Variants in GRIN2B observed in about 807,000 individuals in gnomAD.
The protein encoded by GRIN2B is glutamate receptor ionotropic, NMDA 2B.
Under a neutral mutation model 114.5 loss-of-function variants are expected in GRIN2B, and 5 were observed. The observed-to-expected ratio is 0.04, with a 90% CI of 0.02 to 0.09. The LOEUF is 0.09. GRIN2B is among the 10% of genes least tolerant of loss of function. The pLI, the probability that GRIN2B is intolerant of heterozygous loss-of-function variation, is 1.00. For missense variants in GRIN2B, 1,108 were observed against 1,943.5 expected, an observed-to-expected ratio of 0.57 and a Z score of 8.08; for synonymous variants, 787 against 745.1, an observed-to-expected ratio of 1.06 and a Z score of -0.92.
At chr12:13,687,485 A>C (rs2300243) in intron 4 of GRIN2B, among the ~76,000 whole-genome samples, 84,120 of 151,890 alleles carry the variant, frequency 0.55, 23,788 homozygotes, top group Non-Finnish European at 0.6. Context: ...CACAGCCATA[A>C]CATCAACAAT....
At chr12:13,835,669 C>T (rs1421700303) in intron 3 of GRIN2B, among the ~76,000 whole-genome samples, 2 of 151,000 alleles carry the variant, frequency 1.3e-5, no homozygotes, top group African/African-American at 4.9e-5. Flanking sequence ...TCAGACCTCT[C>T]CAGTTCTGGG....
chr12:13,563,243 T>C lies in GRIN2B; in HGVS notation c.3995A>G (p.Asp1332Gly). The C allele has an allele frequency of 6.2e-7, 1 of 1,614,190 alleles. No individual in the cohort carries two copies. Among genetic ancestry groups the C allele is most frequent in the Non-Finnish European group, 8.5e-7 (1 of 1,180,026 alleles). ...VSLKDKGRFM[D>G]GSPYAHMFEM... ...AAACATGTGGGCGTAGGGGCTCCCA[T>C]CCATGAATCGGCCCTTGTCTTTCAG... The change falls in exon 14 of 14, where the codon GAT (aspartate) becomes GGT (glycine). Residue 1332 changes from aspartate to glycine, a missense_variant. Coordinates refer to ENST00000609686, the MANE Select transcript of GRIN2B (RefSeq NM_000834.5).
chr12:13,971,611 C>T (rs1217494093), intron 2 of GRIN2B, among the ~76,000 whole-genome samples: 2 of 152,154 alleles, frequency 1.3e-5, no homozygotes. Flanking sequence ...ACCAATCAAT[C>T]AAGGTCTGCT....
intron 3 of GRIN2B, among the ~76,000 whole-genome samples, chr12:13,828,324 T>C (rs1591754962): frequency 1.3e-5 from 2 of 152,250 alleles, no homozygotes; most frequent in Admixed American, 6.5e-5. Context: ...AGAACTAGAA[T>C]GGCCTCTGGC....
chr12:13,810,541 A>C (rs923774018), intron 3 of GRIN2B, among the ~76,000 whole-genome samples: 1 of 152,104 alleles, frequency 6.6e-6, no homozygotes, highest in Non-Finnish European at 1.5e-5. Context: ...GTCATTCTAA[A>C]GGGCTTTATT....
intron 2 of GRIN2B, among the ~76,000 whole-genome samples, chr12:13,951,403 T>TGAATAA: frequency 6.6e-6 from 1 of 152,266 alleles, no homozygotes; most frequent in Middle Eastern, 3.4e-3. Context: ...CCCTGCAGCC[T>TGAATAA]GAATAAGAAA....
At chr12:13,945,931 A>G (rs1469934391) in intron 2 of GRIN2B, among the ~76,000 whole-genome samples, 1 of 152,196 alleles carries the variant, frequency 6.6e-6, no homozygotes, top group Non-Finnish European at 1.5e-5. Context: ...TTATAACAAC[A>G]GTGCATATTA....
intron 4 of GRIN2B, among the ~76,000 whole-genome samples, chr12:13,717,064 CGCGTGT>C (rs1450726740): frequency 1.6e-5 from 1 of 61,892 alleles, no homozygotes; most frequent in African/African-American, 7.1e-5. Context: ...TCATGCCATA[CGCGTGT>C]GTGTGTGTGT....
chr12:13,892,026 C>A (rs1866270693), intron 2 of GRIN2B, among the ~76,000 whole-genome samples: 1 of 152,218 alleles, frequency 6.6e-6, no homozygotes, highest in Non-Finnish European at 1.5e-5. Context: ...TGCTCCATCA[C>A]TCAGCCTGGG....
chr12:13,949,435 A>G (rs1867434440), intron 2 of GRIN2B, among the ~76,000 whole-genome samples: 1 of 152,068 alleles, frequency 6.6e-6, no homozygotes, highest in African/African-American at 2.4e-5. Flanking sequence ...ACAGGTTTCC[A>G]GGACCCTTAA....
In GRIN2B at chr12:13,569,876, C is replaced by T. The variant is rs150554184; in HGVS notation, c.2313G>A (p.Gly771=). 5.0e-6 allele frequency: 8 copies of T among 1,612,244 alleles called. No individual in the cohort carries two copies. The African/African-American group carries it at 5.3e-5, about 11-fold the overall frequency. Residue 771 remains glycine (G), a synonymous_variant, in exon 12 of 14, where the codon GGG becomes GGA. Coordinates refer to ENST00000609686, the MANE Select transcript of GRIN2B (RefSeq NM_000834.5). ...TAGCAAGGTCCACCTGGCGCTTCCA[C>T]CCAGAATCTTTTTGGATGGCAATGC... ...GYGIAIQKDS[G]WKRQVDLAIL... is the part of the protein sequence containing the mutation.
chr12:13,972,688 T>G (rs769804443), intron 2 of GRIN2B, among the ~76,000 whole-genome samples: 1 of 152,214 alleles, frequency 6.6e-6, no homozygotes, highest in Non-Finnish European at 1.5e-5. Context: ...TTAGGCCACA[T>G]GGCCAACCTT....
At chr12:13,793,184 A>G (rs1864350410) in intron 3 of GRIN2B, among the ~76,000 whole-genome samples, 1 of 152,192 alleles carries the variant, frequency 6.6e-6, no homozygotes, top group Non-Finnish European at 1.5e-5. Flanking sequence ...AGGCGAGCAG[A>G]TGGCATGAGG....
chr12:13,675,931 T>C (rs1950070300), intron 4 of GRIN2B, 72 bp from the exon 5 acceptor site: 2 of 853,908 alleles, frequency 2.3e-6, no homozygotes, highest in East Asian at 2.4e-5. Context: ...GTCAGGTATA[T>C]AGAGAGAAAG....
chr12:13,698,000 C>A (rs1317862130), intron 4 of GRIN2B, among the ~76,000 whole-genome samples: 1 of 152,224 alleles, frequency 6.6e-6, no homozygotes, highest in Non-Finnish European at 1.5e-5. Context: ...CATTGGGTAG[C>A]ATTTCTTAAA....
rs115462808 is a variant in GRIN2B, at chr12:13,702,735, C to G, written c.1011-26876G>C. ...AGTTAAAGAGTGGCTTTCCAGGGCT[C>G]TCATGCAAACAGGAGACCCCAGGCC... On this transcript the variant is annotated intron_variant, in intron 4 of 13. Transcript: ENST00000609686. Among the ~76,000 whole-genome samples, 1,331 of 152,220 alleles carry G rather than the reference C, an allele frequency of 8.7e-3. 29 individuals are homozygous for G. Among genetic ancestry groups the G allele is most frequent in the African/African-American group, 0.031 (1,280 of 41,512 alleles).
chr12:13,778,255 C>G (rs950293007), intron 3 of GRIN2B, among the ~76,000 whole-genome samples: 15 of 152,168 alleles, frequency 9.9e-5, no homozygotes, highest in African/African-American at 3.4e-4. Flanking sequence ...TCTGAATCCC[C>G]TCAAACTCTC....
At position 13,749,938 on chromosome 12, in the gene GRIN2B, T is replaced by C. The variant is rs994630078; in HGVS notation, c.1010+3379A>G. ...TGGAGAGGAAGGAAAAGAAAGACAA[T>C]GGAGATAAGGGAAGAATGGAGGTGT... On this transcript the variant is annotated intron_variant, in intron 4 of 13. Coordinates refer to ENST00000609686, the MANE Select transcript of GRIN2B (RefSeq NM_000834.5). 4.6e-5 allele frequency among the ~76,000 whole-genome samples: 7 copies of C among 151,782 alleles called. 1 individual carries two copies. Among genetic ancestry groups the C allele is most frequent in the Non-Finnish European group, 8.8e-5 (6 of 67,964 alleles).
At chr12:13,670,777 T>C (rs1375415189) in intron 5 of GRIN2B, among the ~76,000 whole-genome samples, 1 of 152,158 alleles carries the variant, frequency 6.6e-6, no homozygotes, top group Non-Finnish European at 1.5e-5. Flanking sequence ...AAATATTTCT[T>C]TTTAAATGTC....
Sources: gnomAD v4.1 joint callset for allele counts (sites outside exome capture counted in the v4.1 genomes callset) on GRCh38, gnomAD v4.1.1 for gene constraint, MANE v1.5 for transcripts, NCBI Gene and HGNC (gene_info 2026-07-23, HGNC 2026-07-21) for gene names.